AKAP6: variants seen among roughly 807,000 people sequenced by gnomAD.
AKAP6 encodes the protein A-kinase anchor protein 6.
A neutral mutation model predicts 188.5 loss-of-function variants in AKAP6; 58 were observed. That is an observed-to-expected ratio of 0.31 (90% confidence interval 0.25 to 0.38). The LOEUF (loss-of-function observed/expected upper bound fraction) is 0.38, where lower values mean the gene tolerates loss of function less well. Among genes scored for constraint, AKAP6 ranks in the 10% least tolerant of loss-of-function variants. AKAP6 has a pLI of 1.00. For synonymous variants in AKAP6, 989 were observed against 998.6 expected, an observed-to-expected ratio of 0.99 and a Z score of 0.18; for missense variants, 2,710 against 2,740.0, an observed-to-expected ratio of 0.99 and a Z score of 0.24.
intron 4 of AKAP6, among the ~76,000 whole-genome samples, chr14:32,573,632 A>C (rs1280841613): frequency 1.3e-5 from 2 of 152,188 alleles, no homozygotes; most frequent in Non-Finnish European, 2.9e-5. Context: ...GTGCTTTTTC[A>C]CACATAGAAG....
At chr14:32,663,190 C>A (rs1250290503) in intron 7 of AKAP6, among the ~76,000 whole-genome samples, 3 of 152,048 alleles carry the variant, frequency 2.0e-5, no homozygotes, top group Non-Finnish European at 4.4e-5. Context: ...TTTGACAGAT[C>A]CCTATTAGTC....
chr14:32,376,529 A>G (rs1008232806), intron 1 of AKAP6, among the ~76,000 whole-genome samples: 3 of 152,206 alleles, frequency 2.0e-5, no homozygotes, highest in Non-Finnish European at 4.4e-5. Flanking sequence ...TGTCTATTGA[A>G]TAAATAAACA....
chr14:32,728,518 A>T lies in AKAP6; in HGVS notation c.3001-3936A>T, dbSNP rs75663196. ...ATCCTGTCATTCTAATAACTAGATC[A>T]TTTTCCTTGTTTTAACTTTTCCTAA... is the stretch of plus-strand genomic sequence containing the variant. On this transcript the variant is annotated intron_variant, in intron 9 of 13. Transcript: ENST00000280979. Among the ~76,000 whole-genome samples, 260 of 152,128 alleles carry T rather than the reference A, an allele frequency of 1.7e-3. 1 individual carries two copies. The highest frequency in any genetic ancestry group is 2.9e-3 in the Non-Finnish European group (194 of 67,988).
At chr14:32,348,411 T>TTC (rs1887142825) in intron 1 of AKAP6, among the ~76,000 whole-genome samples, 2 of 92,586 alleles carry the variant, frequency 2.2e-5, no homozygotes, top group African/African-American at 6.3e-5. Flanking sequence ...TTCTTTTCTT[T>TTC]TGTTTCTTTT....
intron 7 of AKAP6, among the ~76,000 whole-genome samples, chr14:32,678,049 G>A (rs534508562): frequency 2.6e-5 from 4 of 152,276 alleles, no homozygotes; most frequent in South Asian, 2.1e-4. Flanking sequence ...TTATCATACA[G>A]TATTATGATC....
At chr14:32,759,955 T>C (rs531517276) in intron 11 of AKAP6, among the ~76,000 whole-genome samples, 121 of 152,366 alleles carry the variant, frequency 7.9e-4, no homozygotes, top group African/African-American at 2.8e-3. Context: ...AATAAAATAC[T>C]GGTGCAACAA....
chr14:32,649,902 G>T (rs192905519), intron 7 of AKAP6, among the ~76,000 whole-genome samples: 12 of 152,286 alleles, frequency 7.9e-5, no homozygotes, highest in Middle Eastern at 3.4e-3. Flanking sequence ...GTAGAGGAAA[G>T]TTCCTTTTCT....
chr14:32,585,211 C>G (rs1885178863), intron 5 of AKAP6, among the ~76,000 whole-genome samples: 1 of 152,102 alleles, frequency 6.6e-6, no homozygotes, highest in Admixed American at 6.5e-5. Context: ...TAATCATTCA[C>G]AAGGAGACAA....
At chr14:32,724,991 A>T (rs906533202) in intron 9 of AKAP6, among the ~76,000 whole-genome samples, 4 of 62,502 alleles carry the variant, frequency 6.4e-5, no homozygotes, top group Admixed American at 1.8e-4. Context: ...TATTCAACCT[A>T]AAAAAAAAAA....
intron 3 of AKAP6, among the ~76,000 whole-genome samples, chr14:32,536,935 G>A (rs1295861519): frequency 6.6e-6 from 1 of 152,102 alleles, no homozygotes; most frequent in Non-Finnish European, 1.5e-5. Context: ...TTAATACCCA[G>A]TTTAGTGTTC....
intron 9 of AKAP6, among the ~76,000 whole-genome samples, chr14:32,723,444 C>T (rs2030661580): frequency 6.6e-6 from 1 of 151,912 alleles, no homozygotes; most frequent in African/African-American, 2.4e-5. Flanking sequence ...AAAGTAGTTG[C>T]CTGCAGATTC....
intron 2 of AKAP6, among the ~76,000 whole-genome samples, chr14:32,447,896 A>G (rs528652112): frequency 3.3e-5 from 5 of 152,352 alleles, no homozygotes; most frequent in African/African-American, 1.2e-4. Context: ...GTACACCGAC[A>G]TATTTAAATC....
chr14:32,378,890 G>T (rs1888245360), intron 1 of AKAP6, among the ~76,000 whole-genome samples: 1 of 150,604 alleles, frequency 6.6e-6, no homozygotes, highest in Non-Finnish European at 1.5e-5. Context: ...CAATTGAAGA[G>T]TGTAGGATTC....
At chr14:32,334,864 C>T (rs531994228) in intron 1 of AKAP6, among the ~76,000 whole-genome samples, 19 of 152,326 alleles carry the variant, frequency 1.2e-4, no homozygotes, top group South Asian at 2.1e-4. Flanking sequence ...AGCCATGGGG[C>T]ATGCTCCAAA....
intron 7 of AKAP6, chr14:32,628,015 C>G (rs569688188): frequency 6.6e-6 from 1 of 152,094 alleles, no homozygotes; most frequent in South Asian, 2.1e-4. Flanking sequence ...GGATGTGGAG[C>G]CTGAGCAGCT....
intron 7 of AKAP6, among the ~76,000 whole-genome samples, chr14:32,603,752 T>C (rs1201621693): frequency 2.0e-5 from 3 of 152,180 alleles, no homozygotes; most frequent in Non-Finnish European, 2.9e-5. Flanking sequence ...TTGATTAAAT[T>C]ATGCTAAATT....
intron 1 of AKAP6, among the ~76,000 whole-genome samples, chr14:32,370,008 G>A (rs1464902205): frequency 6.6e-6 from 1 of 152,188 alleles, no homozygotes; most frequent in East Asian, 1.9e-4. Flanking sequence ...TCCAGCCTGG[G>A]CGAAAAGAGC....
At chr14:32,475,026 G>A (rs1321900206) in intron 2 of AKAP6, among the ~76,000 whole-genome samples, 4 of 152,082 alleles carry the variant, frequency 2.6e-5, no homozygotes, top group African/African-American at 9.7e-5. Context: ...AAATACATAC[G>A]TAGAGCTACA....
chr14:32,427,178 A>C (rs1890063017), intron 1 of AKAP6, among the ~76,000 whole-genome samples: 1 of 152,174 alleles, frequency 6.6e-6, no homozygotes, highest in Non-Finnish European at 1.5e-5. Context: ...CCTCACTGAC[A>C]TCCACTTGTA....
Sources: gnomAD v4.1 joint callset for allele counts (sites outside exome capture counted in the v4.1 genomes callset) on GRCh38, gnomAD v4.1.1 for gene constraint, MANE v1.5 for transcripts, NCBI Gene and HGNC (gene_info 2026-07-23, HGNC 2026-07-21) for gene names.